The following PRMT7 variants were observed in gnomAD, a reference collection of about 807,000 sequenced individuals.
PRMT7 encodes protein arginine N-methyltransferase 7.
A neutral mutation model predicts 85.4 loss-of-function variants in PRMT7; 75 were observed. The observed-to-expected ratio is 0.88, with a 90% confidence interval of 0.73 to 1.06. The LOEUF is 1.06. PRMT7 is among the 50% of genes least tolerant of loss of function. PRMT7 has a pLI of 0.00. For missense variants in PRMT7, 868 were observed against 915.2 expected, an observed-to-expected ratio of 0.95 and a Z score of 0.67; for synonymous variants, 397 against 359.5, an observed-to-expected ratio of 1.10 and a Z score of -1.18.
intron 12 of PRMT7, 152 bp downstream of exon 12, chr16:68,347,446 C>G: frequency 9.6e-7 from 1 of 1,036,888 alleles, no homozygotes; most frequent in South Asian, 1.6e-5. Flanking sequence ...GGGTTTATTG[C>G]CTGTGCGTGC....
chr16:68,352,180 T>A (rs1176415012), intron 14 of PRMT7, 68 bp from the exon 15 acceptor site: 2 of 1,513,290 alleles, frequency 1.3e-6, no homozygotes, highest in Non-Finnish European at 1.8e-6. Context: ...GTTGCTTCCG[T>A]GTTCCTGTTA....
chr16:68,339,705 T>G (rs920984798), intron 8 of PRMT7, 83 bp from the exon 9 acceptor site: 32 of 1,572,510 alleles, frequency 2.0e-5, no homozygotes, highest in Non-Finnish European at 2.8e-5. Flanking sequence ...CAAATGTCAT[T>G]GCCAGTGAAG....
chr16:68,333,027 T>C (rs2151626362), intron 6 of PRMT7, among the ~76,000 whole-genome samples: 1 of 152,238 alleles, frequency 6.6e-6, no homozygotes, highest in Non-Finnish European at 1.5e-5. Flanking sequence ...ACAGTCTCAC[T>C]CTGTTGCCTA....
chr16:68,311,400 C>T (rs920514031), intron 1 of PRMT7: 1 of 255,696 alleles, frequency 3.9e-6, no homozygotes. Context: ...CTAACTGGGC[C>T]ACGAGTTCTC....
At chr16:68,328,230 C>G (rs2083364654) in intron 5 of PRMT7, 3 of 217,262 alleles carry the variant, frequency 1.4e-5, no homozygotes, top group South Asian at 1.3e-4. Context: ...AAATCCTGCC[C>G]TCAGGTCAGA....
intron 15 of PRMT7, 180 bp from the exon 16 acceptor site, chr16:68,353,312 T>A (rs1247041320): frequency 7.4e-7 from 1 of 1,360,136 alleles, no homozygotes; most frequent in African/African-American, 1.5e-5. Context: ...GCTTGCAGGT[T>A]CCCGCCCAGC....
At chr16:68,313,210 T>A (rs2044187329) in intron 2 of PRMT7, among the ~76,000 whole-genome samples, 1 of 152,126 alleles carries the variant, frequency 6.6e-6, no homozygotes, top group Admixed American at 6.6e-5. Flanking sequence ...GGATTAAAGT[T>A]CTTCACTATA....
chr16:68,328,153 G>T, intron 5 of PRMT7: 1 of 303,602 alleles, frequency 3.3e-6, no homozygotes, highest in Non-Finnish European at 7.2e-6. Context: ...AATCCTCCAC[G>T]CTGACTTCTG....
intron 3 of PRMT7, among the ~76,000 whole-genome samples, chr16:68,317,529 A>G (rs1381271694): frequency 6.6e-6 from 1 of 151,978 alleles, no homozygotes; most frequent in African/African-American, 2.4e-5. Context: ...CTCACAAACA[A>G]ACAAAGACCA....
rs192386381 is a variant in PRMT7 at position 68,329,846 on chromosome 16, G to C, written c.391+672G>C. 3.4e-3 allele frequency among the ~76,000 whole-genome samples: 518 copies of C among 151,292 alleles called. 7 individuals carry two copies. The highest frequency in any genetic ancestry group is 0.012 in the African/African-American group (482 of 41,186). On this transcript the variant is annotated intron_variant, in intron 6 of 18. Coordinates refer to ENST00000441236, the MANE Select transcript of PRMT7 (RefSeq NM_019023.5). ...ATGAACAATTTTCCTGTATAGCATTGTCTCTTAAGGTTTCCAGAATATGTA... is the reference window on the plus strand; with the variant it reads ...ATGAACAATTTTCCTGTATAGCATTCTCTCTTAAGGTTTCCAGAATATGTA...
At chr16:68,327,286 G>A (rs956500929) in intron 5 of PRMT7, among the ~76,000 whole-genome samples, 3 of 152,220 alleles carry the variant, frequency 2.0e-5, no homozygotes, top group African/African-American at 7.2e-5. Context: ...CACTTCGTGT[G>A]TAGGGCCACA....
At chr16:68,322,405 C>T (rs894110808) in intron 4 of PRMT7, 3 of 451,356 alleles carry the variant, frequency 6.6e-6, no homozygotes, top group Non-Finnish European at 1.3e-5. Flanking sequence ...GCTGTATTGC[C>T]CAGGCTGGTC....
At chr16:68,350,174 A>G (rs920270388) in intron 14 of PRMT7, among the ~76,000 whole-genome samples, 1 of 152,182 alleles carries the variant, frequency 6.6e-6, no homozygotes, top group African/African-American at 2.4e-5. Flanking sequence ...TCATGTGCTT[A>G]TGGACGTTTG....
At chr16:68,335,485 C>T (rs1230789880) in intron 6 of PRMT7, among the ~76,000 whole-genome samples, 1 of 151,802 alleles carries the variant, frequency 6.6e-6, no homozygotes, top group Non-Finnish European at 1.5e-5. Context: ...ATGGGCAGGG[C>T]TTCTCGGGAG....
intron 10 of PRMT7, 64 bp from the exon 11 acceptor site, chr16:68,346,081 A>G: frequency 1.9e-6 from 3 of 1,601,816 alleles, no homozygotes; most frequent in African/African-American, 2.7e-5. Flanking sequence ...GTCCAGATTC[A>G]TGCCCTCTGG....
intron 18 of PRMT7, 77 bp downstream of exon 18, chr16:68,356,874 C>T: frequency 4.1e-6 from 6 of 1,448,946 alleles, no homozygotes; most frequent in Middle Eastern, 2.4e-4. Flanking sequence ...TCCCTGCCCC[C>T]ATGCTCTGGG....
At chr16:68,312,529 G>T (rs60143668) in intron 2 of PRMT7, among the ~76,000 whole-genome samples, 4 of 152,024 alleles carry the variant, frequency 2.6e-5, no homozygotes, top group African/African-American at 9.7e-5. Flanking sequence ...AGCCACCACC[G>T]CCTAGCAAAT....
chr16:68,320,721 A>T (rs2082388969), intron 3 of PRMT7, among the ~76,000 whole-genome samples: 1 of 152,200 alleles, frequency 6.6e-6, no homozygotes, highest in South Asian at 2.1e-4. Flanking sequence ...CCAGCAGCTA[A>T]CTACTGGAGC....
intron 17 of PRMT7, 58 bp from the exon 18 acceptor site, chr16:68,356,643 C>A: frequency 1.5e-6 from 2 of 1,363,852 alleles, no homozygotes; most frequent in South Asian, 1.2e-5. Context: ...GGAGCTGCAG[C>A]TGTTCCCCCG....
Sources: gnomAD v4.1 joint callset for allele counts (sites outside exome capture counted in the v4.1 genomes callset) on GRCh38, gnomAD v4.1.1 for gene constraint, MANE v1.5 for transcripts, NCBI Gene and HGNC (gene_info 2026-07-23, HGNC 2026-07-21) for gene names.